The following CD226 variants were observed in gnomAD, a reference collection of about 807,000 sequenced individuals.
CD226 encodes the protein CD226 molecule.
In CD226, 24 loss-of-function variants were observed where a neutral mutation model predicts 34.9. The observed-to-expected ratio is 0.69, with a 90% CI of 0.50 to 0.97. The LOEUF is 0.97. Ranked by LOEUF, CD226 falls within the 50% of genes least tolerant of loss-of-function variation. The pLI is 0.00. For missense variants in CD226, 397 were observed against 412.7 expected, an observed-to-expected ratio of 0.96 and a Z score of 0.33; for synonymous variants, 148 against 147.4, an observed-to-expected ratio of 1.00 and a Z score of -0.03.
chr18:69,917,063 TATC>T (rs529733557), intron 2 of CD226, among the ~76,000 whole-genome samples: 71 of 152,278 alleles, frequency 4.7e-4, no homozygotes, highest in Middle Eastern at 3.4e-3. Context: ...AACAGGTTCT[TATC>T]ATCACCTCTC....
intron 2 of CD226, among the ~76,000 whole-genome samples, chr18:69,918,318 C>T (rs1286205385): frequency 2.0e-5 from 3 of 152,002 alleles, no homozygotes; most frequent in East Asian, 1.9e-4. Context: ...TTTGGGAGGC[C>T]GAGGCAGGTG....
intron 2 of CD226, among the ~76,000 whole-genome samples, chr18:69,901,347 T>C (rs1411525601): frequency 6.6e-6 from 1 of 152,212 alleles, no homozygotes; most frequent in Non-Finnish European, 1.5e-5. Flanking sequence ...ATCATGTTTA[T>C]GTTAAAAAGA....
intron 3 of CD226, among the ~76,000 whole-genome samples, chr18:69,882,953 C>G (rs1328269011): frequency 6.6e-6 from 1 of 152,200 alleles, no homozygotes; most frequent in Non-Finnish European, 1.5e-5. Flanking sequence ...CAGGCAGGAG[C>G]CACCACGCCT....
At chr18:69,930,613 A>G (rs4275943) in intron 2 of CD226, among the ~76,000 whole-genome samples, 116,144 of 151,552 alleles carry the variant, frequency 0.77, 51,502 homozygotes, top group East Asian at 1. Context: ...GAGAATTAAA[A>G]AGAAGACCTT....
At chr18:69,926,531 C>T (rs2055524198) in intron 2 of CD226, among the ~76,000 whole-genome samples, 1 of 152,140 alleles carries the variant, frequency 6.6e-6, no homozygotes. Context: ...GCTATAATAT[C>T]TCATTCATCC....
At chr18:69,919,670 G>T (rs1334022743) in intron 2 of CD226, among the ~76,000 whole-genome samples, 1 of 152,154 alleles carries the variant, frequency 6.6e-6, no homozygotes, top group African/African-American at 2.4e-5. Flanking sequence ...TTATTTCGCT[G>T]AACAATGCAG....
chr18:69,914,165 C>A (rs1048306741), intron 2 of CD226, among the ~76,000 whole-genome samples: 2 of 152,202 alleles, frequency 1.3e-5, no homozygotes, highest in South Asian at 4.1e-4. Flanking sequence ...TGAAAAATCT[C>A]TGGCTCTGAA....
At chr18:69,891,026 A>AAAG (rs997001784) in intron 3 of CD226, among the ~76,000 whole-genome samples, 3 of 151,746 alleles carry the variant, frequency 2.0e-5, no homozygotes, top group Admixed American at 2.0e-4. Context: ...ACAAAAAAAA[A>AAAG]AAAAAAACCT....
intron 3 of CD226, among the ~76,000 whole-genome samples, chr18:69,892,114 G>A (rs1342774386): frequency 6.6e-6 from 1 of 152,142 alleles, no homozygotes; most frequent in Non-Finnish European, 1.5e-5. Context: ...TCCCGCCTGA[G>A]TGGTCTCACT....
chr18:69,952,480 GGTGCCAACCCCACTGA>G (rs1327474310), upstream of CD226, among the ~76,000 whole-genome samples: 4 of 152,120 alleles, frequency 2.6e-5, no homozygotes, highest in African/African-American at 9.7e-5. Context: ...TATTCAACAA[GGTGCCAACCCCACTGA>G]GTGGGGAAAG....
At chr18:69,911,177 G>A (rs1159084746) in intron 2 of CD226, among the ~76,000 whole-genome samples, 2 of 152,174 alleles carry the variant, frequency 1.3e-5, no homozygotes, top group Non-Finnish European at 2.9e-5. Context: ...TGGCACATGT[G>A]AGTTAATCTT....
intron 2 of CD226, among the ~76,000 whole-genome samples, chr18:69,909,681 T>C (rs1598999477): frequency 6.6e-6 from 1 of 152,192 alleles, no homozygotes; most frequent in South Asian, 2.1e-4. Context: ...AACAAGAGTG[T>C]CCATGGTATT....
At chr18:69,876,798 C>G (rs1983890992) in intron 3 of CD226, among the ~76,000 whole-genome samples, 1 of 152,118 alleles carries the variant, frequency 6.6e-6, no homozygotes, top group African/African-American at 2.4e-5. Context: ...ATCTCACCCC[C>G]TCCTCCATTG....
At chr18:69,907,817 T>C (rs73972915) in intron 2 of CD226, among the ~76,000 whole-genome samples, 4,775 of 152,156 alleles carry the variant, frequency 0.031, 274 homozygotes, top group African/African-American at 0.11. Context: ...TAAGAGAGTA[T>C]TGCCCATTTC....
intron 2 of CD226, among the ~76,000 whole-genome samples, chr18:69,915,309 A>G (rs1390616581): frequency 6.6e-6 from 1 of 152,220 alleles, no homozygotes; most frequent in Non-Finnish European, 1.5e-5. Context: ...TTAATCTAAT[A>G]AATGAATTCA....
At chr18:69,959,680 A>G (rs2055920466), upstream of CD226, among the ~76,000 whole-genome samples, 1 of 152,212 alleles carries the variant, frequency 6.6e-6, no homozygotes, top group Non-Finnish European at 1.5e-5. Context: ...TGCAACCCCT[A>G]TTAAAATAAT....
At chr18:69,871,330 C>T (rs951445092) in intron 4 of CD226, among the ~76,000 whole-genome samples, 4 of 152,088 alleles carry the variant, frequency 2.6e-5, no homozygotes, top group Non-Finnish European at 4.4e-5. Context: ...AAGGGCAGTC[C>T]GTGATGGGGA....
intron 2 of CD226, among the ~76,000 whole-genome samples, chr18:69,915,677 G>A (rs2055377301): frequency 6.6e-6 from 1 of 152,056 alleles, no homozygotes; most frequent in Admixed American, 6.6e-5. Flanking sequence ...CTAAGTTAGG[G>A]ATGACTTCCA....
intron 3 of CD226, among the ~76,000 whole-genome samples, chr18:69,875,961 T>TG (rs1983839782): frequency 6.6e-6 from 1 of 152,192 alleles, no homozygotes; most frequent in Non-Finnish European, 1.5e-5. Flanking sequence ...TTGGTTATAA[T>TG]GGGGACCTAC....
Sources: allele counts gnomAD v4.1 joint callset (sites outside exome capture counted in the v4.1 genomes callset), GRCh38; gene constraint gnomAD v4.1.1; transcripts MANE v1.5; gene names NCBI Gene and HGNC (gene_info 2026-07-23, HGNC 2026-07-21).